Variants in DPP10 observed in about 807,000 individuals in gnomAD.
DPP10 encodes inactive dipeptidyl peptidase 10.
DPP10 carries 33 observed loss-of-function variants against 120.9 expected under a neutral mutation model. That is an observed-to-expected ratio of 0.27 (90% confidence interval 0.21 to 0.37). The LOEUF is 0.37. Ranked by LOEUF, DPP10 falls within the 10% of genes least tolerant of loss-of-function variation. DPP10 has a pLI of 1.00. For missense variants in DPP10, 816 were observed against 942.8 expected, an observed-to-expected ratio of 0.87 and a Z score of 1.76; for synonymous variants, 337 against 326.1, an observed-to-expected ratio of 1.03 and a Z score of -0.36.
At chr2:114,530,232 G>T (rs1685849115) in intron 1 of DPP10, among the ~76,000 whole-genome samples, 1 of 152,130 alleles carries the variant, frequency 6.6e-6, no homozygotes, top group Non-Finnish European at 1.5e-5. Context: ...AGTGTGTGTG[G>T]AAGGATGTTC....
chr2:114,849,626 A>C (rs938193326), intron 1 of DPP10, among the ~76,000 whole-genome samples: 1 of 152,218 alleles, frequency 6.6e-6, no homozygotes, highest in Admixed American at 6.5e-5. Flanking sequence ...TGCTGGGATT[A>C]CAGGAGTGAG....
chr2:114,481,100 G>T (rs1286840398), intron 1 of DPP10, among the ~76,000 whole-genome samples: 1 of 151,464 alleles, frequency 6.6e-6, no homozygotes, highest in African/African-American at 2.4e-5. Flanking sequence ...CCGAAAGCAT[G>T]ATCCAAAAAA....
intron 1 of DPP10, among the ~76,000 whole-genome samples, chr2:115,148,449 A>G (rs1438684760): frequency 6.6e-6 from 1 of 152,154 alleles, no homozygotes; most frequent in African/African-American, 2.4e-5. Flanking sequence ...AAAAGAATAA[A>G]CAGTGTCTGC....
At chr2:115,112,178 T>G (rs922980635) in intron 1 of DPP10, among the ~76,000 whole-genome samples, 2 of 152,168 alleles carry the variant, frequency 1.3e-5, no homozygotes, top group African/African-American at 4.8e-5. Flanking sequence ...TCTTGTTAGA[T>G]AAAATCCAGA....
At chr2:115,512,100 C>A (rs2148841253) in intron 4 of DPP10, among the ~76,000 whole-genome samples, 1 of 150,530 alleles carries the variant, frequency 6.6e-6, no homozygotes, top group South Asian at 2.1e-4. Context: ...CTTTTCTTCT[C>A]TTCTATTTTT....
chr2:115,366,144 A>AT (rs371075164), intron 3 of DPP10, among the ~76,000 whole-genome samples: 33 of 151,814 alleles, frequency 2.2e-4, no homozygotes, highest in Non-Finnish European at 3.8e-4. Flanking sequence ...TTGAAATAAT[A>AT]TTTTTTTTCC....
intron 3 of DPP10, among the ~76,000 whole-genome samples, chr2:115,350,492 A>G (rs35668280): frequency 0.46 from 69,341 of 151,886 alleles, 16,764 homozygotes; most frequent in Non-Finnish European, 0.55. Context: ...ATTCAAACCT[A>G]ACAAGTAAAT....
chr2:115,446,756 A>G (rs1247646693), intron 3 of DPP10, among the ~76,000 whole-genome samples: 1 of 152,036 alleles, frequency 6.6e-6, no homozygotes. Context: ...TATTAGGTCC[A>G]CTATTTTACT....
intron 5 of DPP10, among the ~76,000 whole-genome samples, chr2:115,599,746 A>G (rs986752336): frequency 6.6e-6 from 1 of 152,132 alleles, no homozygotes; most frequent in Non-Finnish European, 1.5e-5. Flanking sequence ...TATGCTGAAT[A>G]TATTCTGGAT....
At chr2:115,239,252 G>A (rs564191640) in intron 1 of DPP10, among the ~76,000 whole-genome samples, 2 of 152,314 alleles carry the variant, frequency 1.3e-5, no homozygotes, top group South Asian at 4.1e-4. Flanking sequence ...GAATTTGAAA[G>A]GGTAGACTCT....
intron 1 of DPP10, among the ~76,000 whole-genome samples, chr2:115,031,991 C>T (rs537139828): frequency 1.3e-5 from 2 of 151,866 alleles, no homozygotes; most frequent in Non-Finnish European, 2.9e-5. Context: ...AAAGCTTGAG[C>T]CTATTACGTA....
intron 1 of DPP10, among the ~76,000 whole-genome samples, chr2:115,254,244 G>A (rs1057189348): frequency 6.6e-6 from 1 of 152,130 alleles, no homozygotes; most frequent in Non-Finnish European, 1.5e-5. Context: ...TCTTCACATG[G>A]AGGCAACAAA....
chr2:114,782,728 G>A (rs1247080061), intron 1 of DPP10, among the ~76,000 whole-genome samples: 4 of 152,064 alleles, frequency 2.6e-5, no homozygotes, highest in African/African-American at 9.7e-5. Flanking sequence ...TGCATTTTAT[G>A]TTAACTGCAT....
At chr2:115,494,057 T>C (rs1200007840) in intron 3 of DPP10, among the ~76,000 whole-genome samples, 1 of 152,114 alleles carries the variant, frequency 6.6e-6, no homozygotes, top group African/African-American at 2.4e-5. Flanking sequence ...CAAGCGATTC[T>C]CCTGCCTCAG....
chr2:115,166,484 TTA>T (rs1476750927), intron 1 of DPP10, among the ~76,000 whole-genome samples: 1 of 118,384 alleles, frequency 8.4e-6, no homozygotes, highest in Non-Finnish European at 1.8e-5. Context: ...TTTCTTATTT[TTA>T]TATGTAAATA....
intron 4 of DPP10, among the ~76,000 whole-genome samples, chr2:115,500,292 C>T (rs2076617484): frequency 6.6e-6 from 1 of 151,790 alleles, no homozygotes; most frequent in Non-Finnish European, 1.5e-5. Flanking sequence ...AAAAATAGTA[C>T]ACAGTTATTT....
chr2:114,800,731 C>G (rs1354506020), intron 1 of DPP10, among the ~76,000 whole-genome samples: 1 of 152,122 alleles, frequency 6.6e-6, no homozygotes, highest in Non-Finnish European at 1.5e-5. Context: ...ATAATTGAAG[C>G]TTGAAAAAGT....
chr2:115,137,221 G>T (rs938247802), intron 1 of DPP10, among the ~76,000 whole-genome samples: 1 of 152,178 alleles, frequency 6.6e-6, no homozygotes, highest in African/African-American at 2.4e-5. Context: ...CTGATAGGCA[G>T]TGATAGAATT....
At chr2:114,529,055 G>C (rs976393750) in intron 1 of DPP10, among the ~76,000 whole-genome samples, 1 of 152,094 alleles carries the variant, frequency 6.6e-6, no homozygotes, top group African/African-American at 2.4e-5. Flanking sequence ...GCATTGGGAA[G>C]GGGAGATAGG....
Sources: gnomAD v4.1 joint callset for allele counts (sites outside exome capture counted in the v4.1 genomes callset) on GRCh38, gnomAD v4.1.1 for gene constraint, MANE v1.5 for transcripts, NCBI Gene and HGNC (gene_info 2026-07-23, HGNC 2026-07-21) for gene names.